Variants in TMEM87B observed in about 807,000 individuals in gnomAD.
TMEM87B encodes the protein transmembrane protein 87B.
In TMEM87B, 83 loss-of-function variants were observed where a neutral mutation model predicts 80.3. That is an observed-to-expected ratio of 1.03 (90% CI 0.87 to 1.24). The LOEUF (loss-of-function observed/expected upper bound fraction) is 1.24. Ranked by LOEUF, TMEM87B falls within the 50% of genes most tolerant of loss-of-function variation. TMEM87B has a pLI of 0.00. For synonymous variants in TMEM87B, 219 were observed against 230.5 expected (o/e 0.95, Z 0.45); for missense variants, 625 against 674.4 (o/e 0.93, Z 0.81).
intron 2 of TMEM87B, among the ~76,000 whole-genome samples, chr2:112,063,247 G>A (rs1004203379): frequency 6.6e-6 from 1 of 152,182 alleles, no homozygotes; most frequent in Non-Finnish European, 1.5e-5. Flanking sequence ...AGATACTGTG[G>A]CTGCATCTTT....
intron 9 of TMEM87B, 38 bp from the exon 10 acceptor site, chr2:112,089,587 C>T (rs11123128): frequency 0.36 from 573,451 of 1,598,802 alleles, 107,071 homozygotes; most frequent in Middle Eastern, 0.43. Context: ...CTCACCCATG[C>T]TTTTTCTTCT....
chr2:112,103,096 T>C (rs1679677368), intron 15 of TMEM87B, among the ~76,000 whole-genome samples: 2 of 152,186 alleles, frequency 1.3e-5, no homozygotes, highest in Non-Finnish European at 2.9e-5. Flanking sequence ...ACGGTAGAAC[T>C]AAGTGACTGT....
intron 13 of TMEM87B, among the ~76,000 whole-genome samples, chr2:112,098,348 T>A (rs543644316): frequency 2.0e-5 from 3 of 152,328 alleles, no homozygotes; most frequent in African/African-American, 7.2e-5. Context: ...ATGTTTTGCA[T>A]CTTTTGATTT....
In TMEM87B at chr2:112,097,193, T is replaced by C. The variant is rs772644891; in HGVS notation, c.1214-40T>C. 1.9e-6 allele frequency: 3 copies of C among 1,601,804 alleles called. No homozygotes were observed. The East Asian group carries it at 6.7e-5, about 36-fold the overall frequency. ...TTTCTTACAGTAAATTATCTTAGTA[T>C]TGTTATATTCCTTCAAAGGTGACTT... On this transcript the variant is annotated intron_variant, in intron 12 of 18. Transcript: ENST00000283206.
At chr2:112,062,115 AAGTG>A (rs1218735313) in intron 2 of TMEM87B, among the ~76,000 whole-genome samples, 1 of 152,256 alleles carries the variant, frequency 6.6e-6, no homozygotes, top group Non-Finnish European at 1.5e-5. Context: ...GTAATCATGA[AAGTG>A]AGTAATTGAG....
intron 5 of TMEM87B, among the ~76,000 whole-genome samples, chr2:112,075,757 T>C (rs1258558530): frequency 6.6e-6 from 1 of 152,232 alleles, no homozygotes; most frequent in Non-Finnish European, 1.5e-5. Flanking sequence ...TGACTCTTCA[T>C]GTTTTCTCTT....
intron 2 of TMEM87B, among the ~76,000 whole-genome samples, chr2:112,062,966 C>T (rs1678301699): frequency 6.6e-6 from 1 of 152,178 alleles, no homozygotes; most frequent in Non-Finnish European, 1.5e-5. Flanking sequence ...GATCACTATG[C>T]AGATTTCTCT....
At chr2:112,066,502 C>T (rs1181338851) in intron 3 of TMEM87B, among the ~76,000 whole-genome samples, 1 of 152,154 alleles carries the variant, frequency 6.6e-6, no homozygotes, top group Non-Finnish European at 1.5e-5. Context: ...TGTAAATGAG[C>T]GTCTCCTCTG....
At chr2:112,107,036 G>A (rs1164082680) in intron 16 of TMEM87B, among the ~76,000 whole-genome samples, 1 of 152,192 alleles carries the variant, frequency 6.6e-6, no homozygotes, top group Non-Finnish European at 1.5e-5. Flanking sequence ...ATAAATGAGT[G>A]ATACAAATAA....
At chr2:112,099,303 T>A (rs991758803) in intron 14 of TMEM87B, among the ~76,000 whole-genome samples, 1 of 152,022 alleles carries the variant, frequency 6.6e-6, no homozygotes. Context: ...AATCCAAAAC[T>A]TTTTGAGCAC....
At position 112,104,657 on chromosome 2, in the gene TMEM87B, G is replaced by A. The variant is rs1679720328; in HGVS notation, c.1451-1345G>A. Among the ~76,000 whole-genome samples, 4 of 152,166 alleles carry A rather than the reference G, an allele frequency of 2.6e-5. No homozygotes were observed. In the South Asian group the frequency reaches 6.2e-4, roughly 24 times the overall value. On this transcript the variant is annotated intron_variant, in intron 15 of 18. Transcript: ENST00000283206. Reference sequence around the variant, plus strand: ...TAGCATGACCGCTTTAGAAAGCAATGTGACAGCTTCTTACAAAGTTAAGCA... The same window carrying A: ...TAGCATGACCGCTTTAGAAAGCAATATGACAGCTTCTTACAAAGTTAAGCA...
intron 8 of TMEM87B, among the ~76,000 whole-genome samples, chr2:112,084,474 G>A (rs981756255): frequency 1.4e-4 from 21 of 152,152 alleles, no homozygotes; most frequent in African/African-American, 2.4e-5. Flanking sequence ...TGGCGGTCTC[G>A]CCCCAGCCCA....
chr2:112,091,422 GGA>G (rs1008368321), intron 10 of TMEM87B, among the ~76,000 whole-genome samples: 2 of 152,148 alleles, frequency 1.3e-5, no homozygotes, highest in African/African-American at 4.8e-5. Flanking sequence ...TTGGTATGGA[GGA>G]GAGAGATTGA....
chr2:112,104,467 C>T (rs766626585), intron 15 of TMEM87B, among the ~76,000 whole-genome samples: 3 of 152,128 alleles, frequency 2.0e-5, no homozygotes, highest in Non-Finnish European at 2.9e-5. Flanking sequence ...TTAAAAGGTG[C>T]TCAATATAAT....
chr2:112,066,712 A>G (rs1449260496), intron 3 of TMEM87B, among the ~76,000 whole-genome samples: 2 of 152,188 alleles, frequency 1.3e-5, no homozygotes, highest in Non-Finnish European at 2.9e-5. Context: ...TGTGTTATGT[A>G]TTACTGTATC....
At chr2:112,088,725 A>G (rs1364253070) in intron 9 of TMEM87B, among the ~76,000 whole-genome samples, 1 of 152,016 alleles carries the variant, frequency 6.6e-6, no homozygotes, top group African/African-American at 2.4e-5. Context: ...TCCCAACTCA[A>G]TTATATTTTG....
chr2:112,117,302 T>G lies in TMEM87B; in HGVS notation c.*1159T>G, dbSNP rs977457495. 6.6e-6 allele frequency: 1 copy of G among 152,216 alleles called. No homozygotes were observed. Among genetic ancestry groups the G allele is most frequent in the African/African-American group, 2.4e-5 (1 of 41,454 alleles). 9.4% of individuals were successfully genotyped at this position (152,216 alleles called of 1,614,324 possible). ...TAGAATAATAATTAAAGCTAGAGTC[T>G]TGTATGTCTTTTCTTTGAAGGAGTT... On this transcript the variant is annotated 3_prime_UTR_variant, in exon 19 of 19. Transcript: ENST00000283206.
In TMEM87B at chr2:112,118,406, C is replaced by T. The variant is rs1680079230; in HGVS notation, c.*2263C>T. On this transcript the variant is annotated 3_prime_UTR_variant, in exon 19 of 19. Coordinates refer to ENST00000283206, the MANE Select transcript of TMEM87B (RefSeq NM_032824.3). ...CAAATCAGTTTACTTTTAGCATGCCCCCATCAGGGTGGGTCTCACTGTTAG... is the reference window on the plus strand; with the variant it reads ...CAAATCAGTTTACTTTTAGCATGCCTCCATCAGGGTGGGTCTCACTGTTAG... 6.6e-6 allele frequency: 1 copy of T among 152,116 alleles called. No homozygotes were observed. The highest frequency in any genetic ancestry group is 2.4e-5 in the African/African-American group (1 of 41,404). The allele number at this position is 152,116 out of a possible 1,614,324, so 9.4% of individuals were successfully genotyped here.
intron 4 of TMEM87B, 91 bp from the exon 5 acceptor site, chr2:112,074,821 T>C: frequency 7.3e-7 from 1 of 1,365,012 alleles, no homozygotes; most frequent in African/African-American, 1.5e-5. Context: ...ATTTTTCATT[T>C]TTCTTCTAAC....
Sources: gnomAD v4.1 joint callset for allele counts (sites outside exome capture counted in the v4.1 genomes callset) on GRCh38, gnomAD v4.1.1 for gene constraint, MANE v1.5 for transcripts, NCBI Gene and HGNC (gene_info 2026-07-23, HGNC 2026-07-21) for gene names.